LRRC69: variants seen among roughly 807,000 people sequenced by gnomAD.
The protein encoded by LRRC69 is leucine rich repeat containing 69.
In LRRC69, 42 loss-of-function variants were observed where a neutral mutation model predicts 37.8. That is an observed-to-expected ratio of 1.11 (90% CI 0.87 to 1.44). LRRC69 has a LOEUF of 1.44. Among genes scored for constraint, LRRC69 ranks in the 40% most tolerant of loss-of-function variants. The pLI is 0.00. For missense variants in LRRC69, 357 were observed against 401.9 expected, an observed-to-expected ratio of 0.89 and a Z score of 0.96; for synonymous variants, 141 against 143.1, an observed-to-expected ratio of 0.99 and a Z score of 0.11.
At chr8:91,212,657 C>T (rs944495250) in intron 7 of LRRC69, among the ~76,000 whole-genome samples, 2 of 152,082 alleles carry the variant, frequency 1.3e-5, no homozygotes, top group Admixed American at 6.5e-5. Context: ...ATACCACTGA[C>T]ATTCATTTAT....
Position 91,102,851 on chromosome 8 carries a change from A to G in LRRC69, c.183+7A>G, listed in dbSNP as rs1352462675. 6.5e-7 allele frequency: 1 copy of G among 1,539,464 alleles called. No homozygotes were observed. The highest frequency in any genetic ancestry group is 2.1e-5 in the Admixed American group (1 of 48,490). ...GTTATGCAACTTGACCCAGGTGAGG[A>G]ACAGTGTTTTGCTGTTGTGGTTTGG... On this transcript the variant is annotated splice_region_variant and intron_variant, in intron 1 of 7. Coordinates refer to ENST00000448384, the Ensembl canonical transcript of LRRC69.
At chr8:91,173,046 G>A (rs1333772378) in intron 5 of LRRC69, among the ~76,000 whole-genome samples, 1 of 151,944 alleles carries the variant, frequency 6.6e-6, no homozygotes, top group Non-Finnish European at 1.5e-5. Context: ...CTTCTCTGGT[G>A]TTGCCAGCTA....
chr8:91,153,264 A>C (rs1299482144), intron 5 of LRRC69, among the ~76,000 whole-genome samples: 1 of 151,352 alleles, frequency 6.6e-6, no homozygotes, highest in East Asian at 1.9e-4. Context: ...ACACAATAAT[A>C]GTAGGAGACT....
chr8:91,115,058 G>C lies in LRRC69; in HGVS notation c.184-9435G>C, dbSNP rs140932540. ...GGGTCTAGGGAGAGGGAGATAAGGG[G>C]AGATGTAGGTCAAAGGGCACAAAGT... On this transcript the variant is annotated intron_variant, in intron 1 of 7. Coordinates refer to ENST00000448384, the Ensembl canonical transcript of LRRC69. Among the ~76,000 whole-genome samples the C allele has an allele frequency of 2.0e-3, 310 of 151,916 alleles. 3 individuals carry two copies. Among genetic ancestry groups the C allele is most frequent in the African/African-American group, 7.0e-3 (290 of 41,534 alleles).
intron 5 of LRRC69, among the ~76,000 whole-genome samples, chr8:91,177,850 C>CTT (rs10645044): frequency 0.11 from 14,428 of 130,734 alleles, 1,336 homozygotes; most frequent in African/African-American, 0.23. Context: ...TTCTGCTTTT[C>CTT]TTTTTTTTTT....
chr8:91,141,661 A>AT (rs1374248157), intron 5 of LRRC69, among the ~76,000 whole-genome samples: 34 of 152,214 alleles, frequency 2.2e-4, no homozygotes, highest in Admixed American at 6.5e-4. Flanking sequence ...GTTTGAAGAA[A>AT]TCTCTAAACA....
At chr8:91,164,781 A>G (rs1446537158) in intron 5 of LRRC69, among the ~76,000 whole-genome samples, 2 of 151,726 alleles carry the variant, frequency 1.3e-5, no homozygotes, top group Non-Finnish European at 2.9e-5. Flanking sequence ...TTCAGAGCTG[A>G]AACTCAAACC....
intron 5 of LRRC69, among the ~76,000 whole-genome samples, chr8:91,155,923 T>C (rs1213195387): frequency 2.7e-5 from 4 of 149,706 alleles, no homozygotes; most frequent in African/African-American, 9.7e-5. Flanking sequence ...ACAACATATA[T>C]ATATACACAC....
chr8:91,187,073 C>G (rs1033636225), intron 5 of LRRC69, among the ~76,000 whole-genome samples: 2 of 152,144 alleles, frequency 1.3e-5, no homozygotes, highest in African/African-American at 4.8e-5. Context: ...CTCAAAGTTC[C>G]TTGAATCCTT....
At chr8:91,191,041 A>AACC (rs1809484739) in intron 6 of LRRC69, among the ~76,000 whole-genome samples, 2 of 114,416 alleles carry the variant, frequency 1.7e-5, no homozygotes, top group African/African-American at 3.1e-5. Context: ...CCTGTCTCAA[A>AACC]CCCCCCCCCC....
intron 5 of LRRC69, among the ~76,000 whole-genome samples, chr8:91,143,083 C>G (rs540447965): frequency 3.7e-4 from 57 of 152,196 alleles, no homozygotes; most frequent in African/African-American, 1.2e-3. Flanking sequence ...TTTAGCCACA[C>G]TGTGGATGTA....
chr8:91,118,582 G>A (rs567250871), intron 1 of LRRC69: 100 of 217,106 alleles, frequency 4.6e-4, no homozygotes, highest in African/African-American at 2.3e-3. Flanking sequence ...TGGCTCATGG[G>A]TCTATGAGTA....
At chr8:91,185,997 TG>T (rs1266135459) in intron 5 of LRRC69, among the ~76,000 whole-genome samples, 1 of 152,190 alleles carries the variant, frequency 6.6e-6, no homozygotes, top group Non-Finnish European at 1.5e-5. Context: ...TGGGCTAGTC[TG>T]AAGCAACAGA....
At chr8:91,145,218 G>A (rs923516464) in intron 5 of LRRC69, among the ~76,000 whole-genome samples, 36 of 151,880 alleles carry the variant, frequency 2.4e-4, no homozygotes, top group African/African-American at 8.7e-4. Flanking sequence ...TTTGCAAGAT[G>A]GTAGAAAATA....
At chr8:91,105,548 T>G (rs981955236) in intron 1 of LRRC69, among the ~76,000 whole-genome samples, 4 of 150,828 alleles carry the variant, frequency 2.7e-5, no homozygotes, top group Non-Finnish European at 4.4e-5. Context: ...CCAGGCACAG[T>G]GGCACGTGCC....
intron 5 of LRRC69, among the ~76,000 whole-genome samples, chr8:91,162,068 A>C (rs1224391491): frequency 2.0e-5 from 3 of 151,414 alleles, no homozygotes; most frequent in Non-Finnish European, 1.5e-5. Context: ...CAGTTTCCAC[A>C]GTTCCTCTTG....
intron 5 of LRRC69, among the ~76,000 whole-genome samples, chr8:91,136,630 C>G (rs1808423210): frequency 6.6e-6 from 1 of 151,986 alleles, no homozygotes; most frequent in African/African-American, 2.4e-5. Flanking sequence ...TCTTCTCCAG[C>G]TGAAACTCTG....
chr8:91,153,334 A>T (rs934002952), intron 5 of LRRC69, among the ~76,000 whole-genome samples: 3 of 151,340 alleles, frequency 2.0e-5, no homozygotes, highest in African/African-American at 4.8e-5. Context: ...GATATTCAGG[A>T]CTTGAACTCA....
At chr8:91,141,671 A>G (rs1808535661) in intron 5 of LRRC69, among the ~76,000 whole-genome samples, 1 of 152,120 alleles carries the variant, frequency 6.6e-6, no homozygotes, top group Non-Finnish European at 1.5e-5. Flanking sequence ...ATCTCTAAAC[A>G]TTGAAGTGGA....
Sources: gnomAD v4.1 joint callset for allele counts (sites outside exome capture counted in the v4.1 genomes callset) on GRCh38, gnomAD v4.1.1 for gene constraint, MANE v1.5 for transcripts, NCBI Gene and HGNC (gene_info 2026-07-23, HGNC 2026-07-21) for gene names.